EYA1: variants seen among roughly 807,000 people sequenced by gnomAD.
EYA1 encodes the protein protein phosphatase EYA1.
In EYA1, 16 loss-of-function variants were observed where a neutral mutation model predicts 82.0. That is an observed-to-expected ratio of 0.20 (90% confidence interval 0.13 to 0.30). The LOEUF is 0.30. Among genes scored for constraint, EYA1 ranks in the 10% least tolerant of loss-of-function variants. The pLI is 1.00. For synonymous variants in EYA1, 261 were observed against 264.4 expected (o/e 0.99, Z 0.12); for missense variants, 633 against 730.7 (o/e 0.87, Z 1.54).
At chr8:71,361,471 A>G (rs1023947638) in intron 1 of EYA1, among the ~76,000 whole-genome samples, 176 bp downstream of exon 1, 1 of 152,182 alleles carries the variant, frequency 6.6e-6, no homozygotes, top group Admixed American at 6.5e-5. Context: ...CTAGGATGAA[A>G]CCCTGTGGCT....
At chr8:71,458,220 T>G (rs1421172321) in intron 2 of EYA1, among the ~76,000 whole-genome samples, 1 of 152,112 alleles carries the variant, frequency 6.6e-6, no homozygotes, top group African/African-American at 2.4e-5. Context: ...ACTATTGACT[T>G]TAGGTTGAAT....
chr8:71,404,017 T>G (rs1830089628), intron 2 of EYA1: 1 of 152,252 alleles, frequency 6.6e-6, no homozygotes, highest in South Asian at 2.1e-4. Context: ...TGTGCCTTTT[T>G]GGAATTGATT....
chr8:71,481,836 C>CAGG (rs1314048528), intron 2 of EYA1, among the ~76,000 whole-genome samples: 1 of 151,434 alleles, frequency 6.6e-6, no homozygotes, highest in Non-Finnish European at 1.5e-5. Context: ...GAAGGAGGAG[C>CAGG]AGGAGGAGGA....
chr8:71,461,873 T>C (rs1010713071), intron 2 of EYA1, among the ~76,000 whole-genome samples: 2 of 152,130 alleles, frequency 1.3e-5, no homozygotes, highest in African/African-American at 4.8e-5. Flanking sequence ...AGCTCCTCTC[T>C]GCAGACAGGT....
At chr8:71,420,640 T>C (rs1831097905) in intron 2 of EYA1, among the ~76,000 whole-genome samples, 1 of 152,116 alleles carries the variant, frequency 6.6e-6, no homozygotes, top group African/African-American at 2.4e-5. Flanking sequence ...ACTAAAAAAT[T>C]GATAGCTGAG....
intron 9 of EYA1, among the ~76,000 whole-genome samples, chr8:71,281,853 C>G (rs1457045933): frequency 6.6e-6 from 1 of 152,240 alleles, no homozygotes; most frequent in Non-Finnish European, 1.5e-5. Context: ...ACAAGCACTA[C>G]TTTTGGATTC....
chr8:71,326,920 CT>C (rs1232732844), intron 4 of EYA1, among the ~76,000 whole-genome samples: 2 of 152,190 alleles, frequency 1.3e-5, no homozygotes, highest in Non-Finnish European at 2.9e-5. Context: ...CACAAACCCC[CT>C]GACCCTCAAC....
intron 3 of EYA1, among the ~76,000 whole-genome samples, chr8:71,341,696 A>C (rs1034476482): frequency 3.9e-5 from 6 of 152,178 alleles, no homozygotes; most frequent in Non-Finnish European, 5.9e-5. Context: ...TATGATCATT[A>C]TCTCTCCAAA....
intron 2 of EYA1, among the ~76,000 whole-genome samples, chr8:71,506,864 C>A (rs754564011): frequency 3.4e-4 from 51 of 151,224 alleles, no homozygotes; most frequent in Non-Finnish European, 6.3e-4. Context: ...ACATGAAATA[C>A]CATAAGCAAA....
At chr8:71,423,965 A>G (rs1831285861) in intron 2 of EYA1, among the ~76,000 whole-genome samples, 1 of 152,206 alleles carries the variant, frequency 6.6e-6, no homozygotes, top group Non-Finnish European at 1.5e-5. Flanking sequence ...TAATGCTTCT[A>G]TTTATTTTGT....
At chr8:71,412,386 AT>A (rs1400275883) in intron 2 of EYA1, among the ~76,000 whole-genome samples, 1 of 143,814 alleles carries the variant, frequency 7.0e-6, no homozygotes, top group Non-Finnish European at 1.5e-5. Flanking sequence ...TAATAAAAAA[AT>A]ATAAAATAAA....
At chr8:71,215,332 T>G in intron 16 of EYA1, 55 bp downstream of exon 16, 1 of 1,579,186 alleles carries the variant, frequency 6.3e-7, no homozygotes, top group Non-Finnish European at 8.7e-7. Context: ...CCTTTCGTTT[T>G]TATTATCCTG....
chr8:71,299,852 A>G (rs188033244), intron 7 of EYA1, 132 bp from the exon 8 acceptor site: 1 of 672,832 alleles, frequency 1.5e-6, no homozygotes, highest in East Asian at 2.6e-5. Flanking sequence ...GTCATGTCTA[A>G]AATGTAGTTT....
chr8:71,274,838 G>A (rs1816934751), intron 9 of EYA1, among the ~76,000 whole-genome samples: 1 of 151,786 alleles, frequency 6.6e-6, no homozygotes, highest in East Asian at 2.0e-4. Flanking sequence ...TCCAGACAGG[G>A]GCATAAGTAT....
intron 11 of EYA1, among the ~76,000 whole-genome samples, chr8:71,263,931 C>G (rs973475096): frequency 5.3e-5 from 8 of 152,054 alleles, no homozygotes; most frequent in African/African-American, 1.9e-4. Context: ...ATATAAAATT[C>G]AAATTTGGGA....
chr8:71,290,069 T>C (rs1335065239), intron 9 of EYA1, among the ~76,000 whole-genome samples: 1 of 152,226 alleles, frequency 6.6e-6, no homozygotes, highest in African/African-American at 2.4e-5. Context: ...TATGCCTTTA[T>C]AATTTTGTCC....
At chr8:71,381,871 C>G (rs74375044) in intron 2 of EYA1, among the ~76,000 whole-genome samples, 1,781 of 152,290 alleles carry the variant, frequency 0.012, 38 homozygotes, top group African/African-American at 0.04. Context: ...TTTTAGTTAA[C>G]AGGTTGATTC....
At chr8:71,383,542 C>T (rs866714545) in intron 2 of EYA1, among the ~76,000 whole-genome samples, 7 of 152,070 alleles carry the variant, frequency 4.6e-5, no homozygotes, top group African/African-American at 1.7e-4. Context: ...AAGCTACATA[C>T]ATCAATATGA....
chr8:71,268,181 T>A (rs946473031), intron 11 of EYA1, among the ~76,000 whole-genome samples: 1 of 126,864 alleles, frequency 7.9e-6, no homozygotes, highest in Non-Finnish European at 1.7e-5. Context: ...GATAACTCTC[T>A]TTTGCGTCAA....
Sources: allele counts gnomAD v4.1 joint callset (sites outside exome capture counted in the v4.1 genomes callset), GRCh38; gene constraint gnomAD v4.1.1; transcripts MANE v1.5; gene names NCBI Gene and HGNC (gene_info 2026-07-23, HGNC 2026-07-21).